Variants in FAM81A observed in about 807,000 individuals in gnomAD.
FAM81A encodes the protein family with sequence similarity 81 member A.
A neutral mutation model predicts 46.7 loss-of-function variants in FAM81A; 19 were observed. That is an observed-to-expected ratio of 0.41 (90% CI 0.28 to 0.60). The LOEUF (loss-of-function observed/expected upper bound fraction) is 0.60, where lower values mean the gene tolerates loss of function less well. Ranked by LOEUF, FAM81A falls within the 20% of genes least tolerant of loss-of-function variation. The pLI is 0.34. For synonymous variants in FAM81A, 183 were observed against 152.9 expected (o/e 1.20, Z -1.45); for missense variants, 377 against 453.5 (o/e 0.83, Z 1.53).
rs1373723460 is a variant in FAM81A, at chr15:59,519,363, A to G, written c.983-1891A>G. Among the ~76,000 whole-genome samples, 4 of 151,192 alleles carry G rather than the reference A, an allele frequency of 2.6e-5. No individual in the cohort carries two copies. In the South Asian group the frequency reaches 6.3e-4, roughly 24 times the overall value. On this transcript the variant is annotated intron_variant, in intron 8 of 8. Transcript: ENST00000288228. The stretch of plus-strand genomic sequence containing the variant: ...ACCACCAGGCCCAGCTAATTTTTGT[A>G]TTTTTAGTAGAGATGGAGTTTCATG...
In FAM81A at chr15:59,510,281, G is replaced by C. The variant is rs138606988; in HGVS notation, c.650+1312G>C. Among the ~76,000 whole-genome samples the C allele has an allele frequency of 6.3e-3, 948 of 151,480 alleles. 12 individuals are homozygous for C. The highest frequency in any genetic ancestry group is 0.021 in the African/African-American group (879 of 41,194). On this transcript the variant is annotated intron_variant, in intron 6 of 8. Coordinates refer to ENST00000288228, the MANE Select transcript of FAM81A (RefSeq NM_152450.3). ...CTCGGGAGGGTGAGACATGAGCATT[G>C]CTTGAACCAAGGAGGCAGAGGTTGC...
chr15:59,449,707 G>A (rs1028249775), intron 1 of FAM81A, among the ~76,000 whole-genome samples: 4 of 135,648 alleles, frequency 2.9e-5, no homozygotes, highest in Non-Finnish European at 4.6e-5. Context: ...GCGTGAACCC[G>A]GGAAGCGGAG....
intron 3 of FAM81A, among the ~76,000 whole-genome samples, chr15:59,486,476 C>A (rs1431176419): frequency 6.6e-6 from 1 of 151,862 alleles, no homozygotes; most frequent in African/African-American, 2.4e-5. Flanking sequence ...GAAAGTTTAT[C>A]AAAAGGGATA....
chr15:59,459,874 A>T, intron 2 of FAM81A, 59 bp from the exon 3 acceptor site: 1 of 1,482,756 alleles, frequency 6.7e-7, no homozygotes, highest in Non-Finnish European at 9.0e-7. Context: ...GGAAGTTTTG[A>T]ATCTGGCTTT....
chr15:59,449,944 C>CA (rs1204158697), intron 1 of FAM81A, among the ~76,000 whole-genome samples: 2 of 150,068 alleles, frequency 1.3e-5, no homozygotes, highest in African/African-American at 4.9e-5. Context: ...TTTTGTGAGA[C>CA]AAAATCTCAC....
rs557677818 is a variant in FAM81A, at chr15:59,410,986, A to G, written c.-78+8628A>G. On this transcript the variant is annotated intron_variant, in intron 2 of 4. Coordinates refer to the FAM81A transcript ENST00000558348. ...GCTGGTCTCGAACTCCTGGCCTCAAATGATCCTTTTGCCTCGGCCTCCCAA... is the reference window on the plus strand; with the variant it reads ...GCTGGTCTCGAACTCCTGGCCTCAAGTGATCCTTTTGCCTCGGCCTCCCAA... Among the ~76,000 whole-genome samples, 29 of 152,242 alleles carry G rather than the reference A, an allele frequency of 1.9e-4. No homozygotes were observed. In the South Asian group the frequency reaches 4.2e-3, roughly 22 times the overall value.
intron 6 of FAM81A, among the ~76,000 whole-genome samples, chr15:59,512,297 A>G (rs2082218983): frequency 6.6e-6 from 1 of 151,624 alleles, no homozygotes; most frequent in African/African-American, 2.4e-5. Flanking sequence ...ACATGGTGAA[A>G]CCCTGTCTGT....
chr15:59,476,299 T>C, intron 3 of FAM81A, among the ~76,000 whole-genome samples: 1 of 151,824 alleles, frequency 6.6e-6, no homozygotes, highest in Non-Finnish European at 1.5e-5. Context: ...CATGGCTCAC[T>C]GCAGCCTCAA....
chr15:59,419,457 T>C (rs2081161170), intron 2 of FAM81A, among the ~76,000 whole-genome samples: 1 of 152,222 alleles, frequency 6.6e-6, no homozygotes, highest in African/African-American at 2.4e-5. Flanking sequence ...TCTCCTCTTT[T>C]CATAGGAAAG....
At chr15:59,482,739 C>T (rs1043875650) in intron 3 of FAM81A, among the ~76,000 whole-genome samples, 1 of 152,188 alleles carries the variant, frequency 6.6e-6, no homozygotes, top group African/African-American at 2.4e-5. Flanking sequence ...CAAAGGTTTG[C>T]ACCACTACAT....
At position 59,428,621 on chromosome 15, in the gene FAM81A, C is replaced by CTTTT. The variant is rs1206186244; in HGVS notation, c.-78+26287_-78+26290dup. Among the ~76,000 whole-genome samples, 42 of 70,286 alleles carry CTTTT rather than the reference C, an allele frequency of 6.0e-4. 8 individuals carry two copies. Among genetic ancestry groups the CTTTT allele is most frequent in the Non-Finnish European group, 7.9e-4 (27 of 33,996 alleles). 46.1% of individuals were successfully genotyped at this position (70,286 alleles called of 152,430 possible). On this transcript the variant is annotated intron_variant, in intron 2 of 4. Coordinates refer to the FAM81A transcript ENST00000558348. ...CTACTACCTAGATCCATGTCTACTC[C>CTTTT]TTTTTTTTTTTTTTTTTTTTTTTTT...
intron 6 of FAM81A, among the ~76,000 whole-genome samples, chr15:59,510,468 A>G (rs768856403): frequency 5.3e-5 from 8 of 152,110 alleles, no homozygotes; most frequent in African/African-American, 9.7e-5. Flanking sequence ...AGAACACCAA[A>G]TAAATATAGA....
intron 3 of FAM81A, among the ~76,000 whole-genome samples, chr15:59,484,237 G>A (rs909001216): frequency 2.6e-5 from 4 of 152,194 alleles, no homozygotes; most frequent in Non-Finnish European, 4.4e-5. Context: ...AGATCCAAGT[G>A]TCACATAAAA....
At chr15:59,477,019 C>T (rs1385057212) in intron 3 of FAM81A, among the ~76,000 whole-genome samples, 5 of 151,580 alleles carry the variant, frequency 3.3e-5, no homozygotes, top group Admixed American at 2.0e-4. Context: ...ACTTGGGAGG[C>T]TGAGGCAGGA....
At chr15:59,451,776 G>A (rs1235750450) in intron 1 of FAM81A, among the ~76,000 whole-genome samples, 1 of 151,216 alleles carries the variant, frequency 6.6e-6, no homozygotes, top group African/African-American at 2.4e-5. Flanking sequence ...GTCTCTTCAA[G>A]CTCTGCTTTT....
At position 59,460,308 on chromosome 15, in the gene FAM81A, A is replaced by G; in HGVS notation, c.294+102A>G. The stretch of plus-strand genomic sequence containing the variant: ...ACTCCTACCTCCCAGGCAGTACTGC[A>G]TTTAGAACAAAGCTGTCTGTCTTGT... On this transcript the variant is annotated intron_variant, in intron 3 of 8. Coordinates refer to ENST00000288228, the MANE Select transcript of FAM81A (RefSeq NM_152450.3). The surrounding 1 kb of genome is among the most constrained non-coding windows in gnomAD (Gnocchi z 4.4). 1.4e-6 allele frequency: 2 copies of G among 1,443,844 alleles called. No homozygotes were observed. Among genetic ancestry groups the G allele is most frequent in the Non-Finnish European group, 1.9e-6 (2 of 1,029,534 alleles). The allele number at this position is 1,443,844 out of a possible 1,614,324, so 89.4% of individuals were successfully genotyped here. A position where few individuals can be genotyped will look rare whatever the true frequency, so the allele number is the denominator to read the frequency against.
intron 2 of FAM81A, 44 bp from the exon 3 acceptor site, chr15:59,459,889 A>G (rs2081529743): frequency 1.3e-6 from 2 of 1,513,940 alleles, no homozygotes; most frequent in African/African-American, 1.4e-5. Context: ...GGCTTTAAAC[A>G]TTATTTTTTC....
chr15:59,468,717 G>A (rs1279753732), intron 3 of FAM81A, among the ~76,000 whole-genome samples: 1 of 149,982 alleles, frequency 6.7e-6, no homozygotes, highest in Non-Finnish European at 1.5e-5. Context: ...GTCTCTTTCA[G>A]TTCTGCTTTG....
rs75523418 is a variant in FAM81A at position 59,409,492 on chromosome 15, T to C, written c.-78+7134T>C. 1.6e-4 allele frequency among the ~76,000 whole-genome samples: 25 copies of C among 152,232 alleles called. No individual in the cohort carries two copies. In the East Asian group the frequency reaches 4.8e-3, roughly 29 times the overall value. Reference sequence around the variant, plus strand: ...ATTTCTCTTCTTGGCAGGAACAAAGTCTTTTCAAAGCTGGAGAGGTAGTGC... The same window carrying C: ...ATTTCTCTTCTTGGCAGGAACAAAGCCTTTTCAAAGCTGGAGAGGTAGTGC... On this transcript the variant is annotated intron_variant, in intron 2 of 4. Transcript: ENST00000558348.
Sources: allele counts gnomAD v4.1 joint callset (sites outside exome capture counted in the v4.1 genomes callset), GRCh38; gene constraint gnomAD v4.1.1; non-coding constraint Gnocchi (gnomAD v3.1); transcripts MANE v1.5; gene names NCBI Gene and HGNC (gene_info 2026-07-23, HGNC 2026-07-21).